Variants in AFF1 observed in about 807,000 individuals in gnomAD.
AFF1 encodes ALF transcription elongation factor 1.
A neutral mutation model predicts 121.7 loss-of-function variants in AFF1; 48 were observed. The ratio of observed to expected loss-of-function variants is 0.39; its 90% CI spans 0.31 to 0.50. The LOEUF (loss-of-function observed/expected upper bound fraction) is 0.50, where lower values mean the gene tolerates loss of function less well. AFF1 is among the 20% of genes least tolerant of loss of function. The pLI is 0.76. For missense variants in AFF1, 1,523 were observed against 1,511.7 expected, an observed-to-expected ratio of 1.01 and a Z score of -0.12; for synonymous variants, 613 against 563.0, an observed-to-expected ratio of 1.09 and a Z score of -1.26.
intron 2 of AFF1, among the ~76,000 whole-genome samples, chr4:86,980,036 G>T (rs1023221607): frequency 6.6e-6 from 1 of 152,068 alleles, no homozygotes; most frequent in African/African-American, 2.4e-5. Flanking sequence ...TCAGCCTGCC[G>T]AGTAGGTGGG....
intron 2 of AFF1, among the ~76,000 whole-genome samples, chr4:87,025,014 A>T (rs1728387739): frequency 6.6e-6 from 1 of 152,180 alleles, no homozygotes; most frequent in African/African-American, 2.4e-5. Flanking sequence ...GTGAGATACC[A>T]CATTTTATGC....
intron 4 of AFF1, among the ~76,000 whole-genome samples, chr4:87,054,658 C>T (rs1481917113): frequency 6.6e-6 from 1 of 152,206 alleles, no homozygotes; most frequent in Admixed American, 6.5e-5. Context: ...TTCCCTGCTG[C>T]CATGGGTGGT....
At position 87,007,327 on chromosome 4, in the gene AFF1, T is replaced by G. The variant is rs549374436; in HGVS notation, c.39-38839T>G. 6 of 1,604,354 alleles carry G rather than the reference T, an allele frequency of 3.7e-6. No homozygotes were observed. The African/African-American group carries it at 8.0e-5, about 22-fold the overall frequency. On this transcript the variant is annotated intron_variant, in intron 2 of 20. Transcript: ENST00000395146. ...CGCGTCCCCGCCCGGCTCCGCCAAA[T>G]GGTGAGCGCGGCGCTGGCAGCAGGG... is the stretch of plus-strand genomic sequence containing the variant.
chr4:87,126,048 G>A (rs371560903), intron 13 of AFF1, 51 bp from the exon 14 acceptor site: 147 of 1,557,482 alleles, frequency 9.4e-5, no homozygotes, highest in East Asian at 7.0e-4. Flanking sequence ...CAACGAAGCC[G>A]CTTGATGTGT....
intron 2 of AFF1, among the ~76,000 whole-genome samples, chr4:86,981,910 GC>G (rs1723787151): frequency 6.6e-6 from 1 of 152,214 alleles, no homozygotes; most frequent in South Asian, 2.1e-4. Context: ...AGACAGCAAG[GC>G]GTGTAGTTGT....
chr4:86,989,493 C>G (rs1172387840), intron 2 of AFF1, among the ~76,000 whole-genome samples: 3 of 152,150 alleles, frequency 2.0e-5, no homozygotes, highest in African/African-American at 7.2e-5. Flanking sequence ...TCTCACACCA[C>G]TTAGAATGAT....
At chr4:87,002,259 A>T (rs1378341126) in intron 2 of AFF1, among the ~76,000 whole-genome samples, 1 of 151,362 alleles carries the variant, frequency 6.6e-6, no homozygotes, top group Non-Finnish European at 1.5e-5. Flanking sequence ...TGCCCAGCTA[A>T]TTACAAAAAT....
chr4:87,093,926 G>A (rs2149721299), intron 7 of AFF1, among the ~76,000 whole-genome samples: 1 of 152,244 alleles, frequency 6.6e-6, no homozygotes, highest in East Asian at 1.9e-4. Flanking sequence ...TCTAAGTTAT[G>A]CCAGGTAGCA....
chr4:87,140,395 T>C lies in AFF1; in HGVS notation c.*4694T>C, dbSNP rs1375091012. ...CACGCATGTGTCCCAAATCTTGTTT[T>C]AATTTTTTTTTTCTGAATGTGATCA... On this transcript the variant is annotated 3_prime_UTR_variant, in exon 21 of 21. Coordinates refer to ENST00000395146, the MANE Select transcript of AFF1 (RefSeq NM_001166693.3). 2 of 190,534 alleles carry C rather than the reference T, an allele frequency of 1.0e-5. No homozygotes were observed. The highest frequency in any genetic ancestry group is 4.7e-5 in the African/African-American group (2 of 42,850). The allele number at this position is 190,534 out of a possible 1,614,324, so 11.8% of individuals were successfully genotyped here.
chr4:86,952,300 G>A (rs1461508097), intron 2 of AFF1, among the ~76,000 whole-genome samples: 3 of 152,092 alleles, frequency 2.0e-5, no homozygotes, highest in African/African-American at 7.2e-5. Flanking sequence ...CTATTAAAAC[G>A]TCTTCCTATA....
At chr4:86,951,184 T>C (rs1318066581) in intron 2 of AFF1, among the ~76,000 whole-genome samples, 1 of 152,202 alleles carries the variant, frequency 6.6e-6, no homozygotes, top group Non-Finnish European at 1.5e-5. Flanking sequence ...ATTGAATAGC[T>C]TCGGCTCTTT....
chr4:87,020,494 G>GTT (rs1367109384), intron 2 of AFF1, among the ~76,000 whole-genome samples: 2 of 151,954 alleles, frequency 1.3e-5, no homozygotes, highest in Non-Finnish European at 2.9e-5. Flanking sequence ...GTTTTGTTTT[G>GTT]TTTTGTTTCA....
intron 2 of AFF1, among the ~76,000 whole-genome samples, chr4:86,967,442 C>T (rs1003673080): frequency 1.3e-5 from 2 of 152,090 alleles, no homozygotes. Flanking sequence ...GAAATTTGAC[C>T]ATGTATTTAG....
chr4:87,050,201 G>A (rs1361641499), intron 4 of AFF1, among the ~76,000 whole-genome samples: 1 of 151,028 alleles, frequency 6.6e-6, no homozygotes, highest in African/African-American at 2.4e-5. Flanking sequence ...TGGGGCAGAA[G>A]GGGAAGCTGT....
In AFF1 at chr4:87,125,064, A is replaced by G; in HGVS notation, c.2494A>G (p.Lys832Glu). The change falls in exon 13 of 21, where the codon AAG (lysine) becomes GAG (glutamate). Residue 832 changes from lysine (K) to glutamate (E), a missense_variant. Lys to Glu is a moderately conservative substitution (Grantham distance 56). Around this residue, in one of 5 missense-constraint regions of AFF1, gnomAD observed 905 missense variants for 842.5 expected, o/e 1.07. Transcript: ENST00000395146. ...KGEAERDCDN[K>E]KIRLEKEIKS... is the part of the protein sequence containing the mutation. The stretch of plus-strand genomic sequence containing the variant: ...TGAAGCAGAAAGAGACTGTGATAAC[A>G]AGAAAATCAGACTGGAGAAGGAAAT... The G allele has an allele frequency of 6.2e-7, 1 of 1,608,510 alleles. No homozygotes were observed. The highest frequency in any genetic ancestry group is 8.5e-7 in the Non-Finnish European group (1 of 1,177,050).
rs765982294 is a variant in AFF1, at chr4:87,108,326, C to G, written c.1533+11C>G. The G allele has an allele frequency of 1.3e-5, 21 of 1,610,922 alleles. No homozygotes were observed. In the South Asian group the frequency reaches 2.1e-4, roughly 16 times the overall value. ...ACCCCAGCTCCGGAGGTACCGTGTT[C>G]CCCCTCGAGATGGCCACCTTAGATG... On this transcript the variant is annotated intron_variant, in intron 11 of 20. Transcript: ENST00000395146.
chr4:87,119,834 A>G (rs1419456213), intron 12 of AFF1, among the ~76,000 whole-genome samples: 1 of 152,206 alleles, frequency 6.6e-6, no homozygotes, highest in Non-Finnish European at 1.5e-5. Flanking sequence ...TTCCAGTGCT[A>G]TCATTTATGC....
At chr4:87,051,642 AT>A (rs1016305673) in intron 4 of AFF1, among the ~76,000 whole-genome samples, 1 of 151,314 alleles carries the variant, frequency 6.6e-6, no homozygotes, top group East Asian at 1.9e-4. Flanking sequence ...TTGTGTATAT[AT>A]TTTTTTATTC....
At chr4:87,120,053 G>A (rs944519981) in intron 12 of AFF1, among the ~76,000 whole-genome samples, 5 of 152,082 alleles carry the variant, frequency 3.3e-5, no homozygotes, top group African/African-American at 2.4e-5. Context: ...AAATTTCTTC[G>A]TGCCTGTTAG....
Sources: gnomAD v4.1 joint callset for allele counts (sites outside exome capture counted in the v4.1 genomes callset) on GRCh38, gnomAD v4.1.1 for gene constraint, gnomAD v4.1.1 regional missense constraint, MANE v1.5 for transcripts, NCBI Gene and HGNC (gene_info 2026-07-23, HGNC 2026-07-21) for gene names.